Variants in DOCK3 observed in about 807,000 individuals in gnomAD.
The protein encoded by DOCK3 is dedicator of cytokinesis protein 3.
Under a neutral mutation model 265.6 loss-of-function variants are expected in DOCK3, and 60 were observed. The observed-to-expected ratio is 0.23, with a 90% CI of 0.18 to 0.28. The LOEUF is 0.28. Ranked by LOEUF, DOCK3 falls within the 10% of genes least tolerant of loss-of-function variation. The pLI is 1.00. For synonymous variants in DOCK3, 881 were observed against 938.0 expected (o/e 0.94, Z 1.11); for missense variants, 1,981 against 2,594.3 (o/e 0.76, Z 5.14).
At chr3:50,784,375 A>G (rs111558313) in intron 2 of DOCK3, among the ~76,000 whole-genome samples, 2 of 152,102 alleles carry the variant, frequency 1.3e-5, no homozygotes, top group Non-Finnish European at 2.9e-5. Flanking sequence ...CTATGTGCCT[A>G]TTTTTATACT....
At chr3:50,803,718 C>T (rs538459277) in intron 2 of DOCK3, among the ~76,000 whole-genome samples, 215 of 151,648 alleles carry the variant, frequency 1.4e-3, no homozygotes, top group African/African-American at 4.9e-3. Context: ...CACCTCCCTC[C>T]CAGATGGGGC....
chr3:50,965,343 G>T (rs752509397), intron 5 of DOCK3, among the ~76,000 whole-genome samples: 19 of 152,050 alleles, frequency 1.2e-4, no homozygotes, highest in Non-Finnish European at 2.4e-4. Context: ...AGAAAAGAAT[G>T]ATCTCAGTGA....
intron 12 of DOCK3, among the ~76,000 whole-genome samples, chr3:51,174,639 C>G (rs1335512331): frequency 6.6e-6 from 1 of 152,130 alleles, no homozygotes; most frequent in African/African-American, 2.4e-5. Flanking sequence ...TCTTTAGGGT[C>G]ATTTATTGGA....
intron 9 of DOCK3, among the ~76,000 whole-genome samples, chr3:51,124,771 C>T (rs1325697834): frequency 1.3e-5 from 2 of 151,972 alleles, no homozygotes; most frequent in African/African-American, 4.8e-5. Flanking sequence ...TTGGAAAAGC[C>T]AGGCTTAGGC....
intron 3 of DOCK3, among the ~76,000 whole-genome samples, chr3:50,847,355 T>G (rs1425624986): frequency 1.3e-5 from 2 of 152,174 alleles, no homozygotes; most frequent in Non-Finnish European, 2.9e-5. Context: ...ATGACTTCCA[T>G]TTTTTTGAAT....
At chr3:50,913,214 C>T (rs1225533145) in intron 4 of DOCK3, among the ~76,000 whole-genome samples, 1 of 151,764 alleles carries the variant, frequency 6.6e-6, no homozygotes, top group Non-Finnish European at 1.5e-5. Context: ...TGCGGGTTTT[C>T]TTCTGGCCTG....
chr3:50,813,572 TA>T (rs2043887749), intron 2 of DOCK3, among the ~76,000 whole-genome samples: 1 of 152,126 alleles, frequency 6.6e-6, no homozygotes, highest in African/African-American at 2.4e-5. Context: ...CCTCAATAAA[TA>T]TATTTTAAAG....
chr3:50,938,340 C>T (rs1318438039), intron 5 of DOCK3, among the ~76,000 whole-genome samples: 3 of 152,064 alleles, frequency 2.0e-5, no homozygotes, highest in African/African-American at 4.8e-5. Context: ...GGATTAATAA[C>T]GCATTCTCTT....
chr3:50,784,983 G>A (rs562680875), intron 2 of DOCK3, among the ~76,000 whole-genome samples: 2 of 152,132 alleles, frequency 1.3e-5, no homozygotes, highest in South Asian at 2.1e-4. Context: ...ATGGTGAAAC[G>A]CTGTCTCTAC....
intron 12 of DOCK3, among the ~76,000 whole-genome samples, chr3:51,175,512 A>G (rs1469805067): frequency 6.6e-6 from 1 of 151,844 alleles, no homozygotes; most frequent in African/African-American, 2.4e-5. Context: ...TGGCTGGGAA[A>G]AGCTGGAGCC....
At chr3:51,046,706 A>G (rs188619058) in intron 5 of DOCK3, among the ~76,000 whole-genome samples, 31 of 152,266 alleles carry the variant, frequency 2.0e-4, no homozygotes, top group African/African-American at 6.7e-4. Flanking sequence ...GCAGTCCTGA[A>G]CAACAGTATA....
chr3:51,208,679 A>G, intron 12 of DOCK3, 95 bp from the exon 13 acceptor site: 1 of 943,538 alleles, frequency 1.1e-6, no homozygotes, highest in Non-Finnish European at 1.6e-6. Context: ...AAAGTGAGGG[A>G]TCCTTTTCCC....
At chr3:51,289,871 G>A (rs1421042486) in intron 27 of DOCK3, among the ~76,000 whole-genome samples, 22 of 152,126 alleles carry the variant, frequency 1.4e-4, no homozygotes, top group African/African-American at 2.2e-4. Context: ...AAAAGTGGGC[G>A]AAGGATATGA....
intron 2 of DOCK3, among the ~76,000 whole-genome samples, chr3:50,818,528 T>C (rs2044223229): frequency 6.6e-6 from 1 of 152,230 alleles, no homozygotes; most frequent in African/African-American, 2.4e-5. Flanking sequence ...ATAGTTCCTC[T>C]GTCTGCCTAC....
intron 23 of DOCK3, among the ~76,000 whole-genome samples, chr3:51,266,423 A>T (rs2080171619): frequency 6.6e-6 from 1 of 152,236 alleles, no homozygotes; most frequent in South Asian, 2.1e-4. Flanking sequence ...ACCTGACTTC[A>T]AACTATACTA....
chr3:50,817,577 G>A (rs534536698), intron 2 of DOCK3, among the ~76,000 whole-genome samples: 2 of 152,180 alleles, frequency 1.3e-5, no homozygotes, highest in African/African-American at 4.8e-5. Context: ...GATTATAGGC[G>A]TTAGCCACTG....
Position 50,941,486 on chromosome 3 carries a change from C to T in DOCK3, c.315+7409C>T, listed in dbSNP as rs9875271. ...GTTAGAATGTAAAATGGCACACCCACTTGGAGAAAAATTTGGACTTTTCTT... is the reference window on the plus strand; with the variant it reads ...GTTAGAATGTAAAATGGCACACCCATTTGGAGAAAAATTTGGACTTTTCTT... On this transcript the variant is annotated intron_variant, in intron 5 of 52. Transcript: ENST00000266037. Among the ~76,000 whole-genome samples, 425 of 152,196 alleles carry T rather than the reference C, an allele frequency of 2.8e-3. 1 individual carries two copies. The highest frequency in any genetic ancestry group is 9.7e-3 in the African/African-American group (403 of 41,556).
intron 3 of DOCK3, among the ~76,000 whole-genome samples, chr3:50,875,161 C>G (rs2047641952): frequency 6.6e-6 from 1 of 152,040 alleles, no homozygotes; most frequent in African/African-American, 2.4e-5. Flanking sequence ...CACATGTATG[C>G]CTATGTAACA....
intron 23 of DOCK3, among the ~76,000 whole-genome samples, chr3:51,269,116 ACTGTCTCTCTCTCTCTCTCTC>A (rs2080355967): frequency 1.9e-5 from 2 of 103,908 alleles, no homozygotes; most frequent in Non-Finnish European, 4.3e-5. Flanking sequence ...TCTCTCTCTC[ACTGTCTCTCTCTCTCTCTCTC>A]TATATATATA....
Sources: gnomAD v4.1 joint callset for allele counts (sites outside exome capture counted in the v4.1 genomes callset) on GRCh38, gnomAD v4.1.1 for gene constraint, MANE v1.5 for transcripts, NCBI Gene and HGNC (gene_info 2026-07-23, HGNC 2026-07-21) for gene names.